The following DOCK5 variants were observed in gnomAD, a reference collection of about 807,000 sequenced individuals.
The protein encoded by DOCK5 is dedicator of cytokinesis 5.
Under a neutral mutation model 251.8 loss-of-function variants are expected in DOCK5, and 142 were observed. The ratio of observed to expected loss-of-function variants is 0.56; its 90% CI spans 0.49 to 0.65. The LOEUF is 0.65. Ranked by LOEUF, DOCK5 falls within the 30% of genes least tolerant of loss-of-function variation. The pLI, the probability that DOCK5 is intolerant of heterozygous loss-of-function variation, is 0.00. For missense variants in DOCK5, 2,111 were observed against 2,312.3 expected, an observed-to-expected ratio of 0.91 and a Z score of 1.79; for synonymous variants, 842 against 835.5, an observed-to-expected ratio of 1.01 and a Z score of -0.13.
chr8:25,207,771 G>T (rs920664383), intron 1 of DOCK5, among the ~76,000 whole-genome samples: 13 of 152,202 alleles, frequency 8.5e-5, no homozygotes, highest in African/African-American at 3.1e-4. Context: ...TTTCATGCCT[G>T]CTGACACAAC....
At chr8:25,189,030 T>TTTTC (rs200130304) in intron 1 of DOCK5, among the ~76,000 whole-genome samples, 16 of 120,646 alleles carry the variant, frequency 1.3e-4, no homozygotes, top group African/African-American at 2.6e-4. Context: ...TTTTCTTTTC[T>TTTTC]TTTCTTTCTT....
At chr8:25,361,741 A>G (rs1380237339) in intron 28 of DOCK5, among the ~76,000 whole-genome samples, 2 of 152,230 alleles carry the variant, frequency 1.3e-5, no homozygotes, top group African/African-American at 4.8e-5. Flanking sequence ...GAGAATCCAC[A>G]GTTGCACACA....
chr8:25,226,773 A>G (rs1047625994), intron 1 of DOCK5, among the ~76,000 whole-genome samples: 7 of 151,402 alleles, frequency 4.6e-5, no homozygotes, highest in East Asian at 2.0e-4. Flanking sequence ...TTTTAGTAGA[A>G]ACGGGGTTTC....
rs2709639 is a variant in DOCK5, at chr8:25,300,510, G to A, written c.765-66G>A. 0.82 allele frequency: 1,169,666 copies of A among 1,420,778 alleles called. 483,138 individuals are homozygous for A. Among genetic ancestry groups the A allele is most frequent in the Non-Finnish European group, 0.84 (862,859 of 1,025,824 alleles). 88.0% of individuals were successfully genotyped at this position (1,420,778 alleles called of 1,614,324 possible). A position where few individuals can be genotyped will look rare whatever the true frequency, so the allele number is the denominator to read the frequency against. On this transcript the variant is annotated intron_variant, in intron 8 of 51. Coordinates refer to ENST00000276440, the MANE Select transcript of DOCK5 (RefSeq NM_024940.8). ...CCTCCTTCCCTTGTAAGTCTATACT[G>A]AGGGTAGCCTCATCTCCAACCCCAG...
intron 8 of DOCK5, among the ~76,000 whole-genome samples, 200 bp from the exon 9 acceptor site, chr8:25,300,376 G>A (rs548338303): frequency 8.0e-4 from 122 of 152,242 alleles, no homozygotes; most frequent in African/African-American, 2.8e-3. Context: ...CAGCAGGGAC[G>A]CTTCTCTAAT....
At chr8:25,393,886 G>T (rs974073664) in intron 44 of DOCK5, among the ~76,000 whole-genome samples, 4 of 152,220 alleles carry the variant, frequency 2.6e-5, no homozygotes, top group African/African-American at 9.6e-5. Context: ...CCTAAAGTAG[G>T]TGTTCAAGAA....
intron 24 of DOCK5, 81 bp downstream of exon 24, chr8:25,341,890 C>A: frequency 8.8e-7 from 1 of 1,138,992 alleles, no homozygotes; most frequent in Non-Finnish European, 1.3e-6. Flanking sequence ...GCTGCTACAC[C>A]TGGCTTTTAT....
intron 1 of DOCK5, among the ~76,000 whole-genome samples, chr8:25,238,966 A>G (rs1802870909): frequency 6.6e-6 from 1 of 152,206 alleles, no homozygotes; most frequent in South Asian, 2.1e-4. Flanking sequence ...AAGATTGTCT[A>G]TGATTAAAAA....
At chr8:25,224,898 A>G (rs1802490397) in intron 1 of DOCK5, among the ~76,000 whole-genome samples, 1 of 152,214 alleles carries the variant, frequency 6.6e-6, no homozygotes, top group Non-Finnish European at 1.5e-5. Flanking sequence ...ACCATCAAAA[A>G]ACCTCATAAC....
intron 34 of DOCK5, 113 bp downstream of exon 34, chr8:25,369,754 C>T: frequency 1.2e-6 from 1 of 804,008 alleles, no homozygotes; most frequent in Non-Finnish European, 2.0e-6. Context: ...TCACTAGGGC[C>T]ACCCCCACTG....
intron 5 of DOCK5, among the ~76,000 whole-genome samples, chr8:25,281,944 T>G (rs1804206053): frequency 6.6e-6 from 1 of 151,160 alleles, no homozygotes; most frequent in Non-Finnish European, 1.5e-5. Context: ...TTTCTCATTT[T>G]AATTTAGATA....
At chr8:25,318,466 T>TCTCTCCTCTCCTCTC (rs1805323211) in intron 14 of DOCK5, among the ~76,000 whole-genome samples, 1 of 149,460 alleles carries the variant, frequency 6.7e-6, no homozygotes, top group Admixed American at 6.7e-5. Flanking sequence ...TCCCTTCCCT[T>TCTCTCCTCTCCTCTC]CTCTCCTCTC....
chr8:25,307,993 C>T (rs1217654594), intron 11 of DOCK5, among the ~76,000 whole-genome samples: 1 of 152,138 alleles, frequency 6.6e-6, no homozygotes. Flanking sequence ...ATCCCATTTG[C>T]CAGTCACATA....
intron 21 of DOCK5, among the ~76,000 whole-genome samples, chr8:25,334,469 C>T (rs1288375853): frequency 6.6e-6 from 1 of 152,120 alleles, no homozygotes; most frequent in Non-Finnish European, 1.5e-5. Flanking sequence ...ACCTGCAATT[C>T]CAGCACTTTG....
At chr8:25,250,163 C>T (rs1334069479) in intron 2 of DOCK5, among the ~76,000 whole-genome samples, 1 of 152,120 alleles carries the variant, frequency 6.6e-6, no homozygotes, top group African/African-American at 2.4e-5. Context: ...AGCTTTGGCT[C>T]CAAAACAGGC....
At chr8:25,340,799 TGAGG>T in intron 22 of DOCK5, 74 bp from the exon 23 acceptor site, 1 of 1,125,618 alleles carries the variant, frequency 8.9e-7, no homozygotes, top group Non-Finnish European at 1.3e-6. Context: ...GAAGGAGAAG[TGAGG>T]GAGGCAACAA....
chr8:25,236,448 G>A (rs1306066002), intron 1 of DOCK5, among the ~76,000 whole-genome samples: 1 of 152,122 alleles, frequency 6.6e-6, no homozygotes, highest in African/African-American at 2.4e-5. Flanking sequence ...AAATCTGTTT[G>A]GCCCTCTTGG....
chr8:25,299,517 C>G (rs1368771420), intron 8 of DOCK5: 1 of 155,084 alleles, frequency 6.4e-6, no homozygotes, highest in African/African-American at 2.4e-5. Flanking sequence ...AGGAGGGAAC[C>G]CTTATGTAAA....
At chr8:25,282,119 T>G (rs1412509742) in intron 5 of DOCK5, among the ~76,000 whole-genome samples, 1 of 152,170 alleles carries the variant, frequency 6.6e-6, no homozygotes, top group Non-Finnish European at 1.5e-5. Context: ...AACAATCCAC[T>G]AAGATTTGTT....
Sources: allele counts gnomAD v4.1 joint callset (sites outside exome capture counted in the v4.1 genomes callset), GRCh38; gene constraint gnomAD v4.1.1; transcripts MANE v1.5; gene names NCBI Gene and HGNC (gene_info 2026-07-23, HGNC 2026-07-21).